The following NAALADL2 variants were observed in gnomAD, a reference collection of about 807,000 sequenced individuals.
NAALADL2 encodes the protein inactive N-acetylated-alpha-linked acidic dipeptidase-like protein 2.
NAALADL2 carries 76 observed loss-of-function variants against 87.2 expected under a neutral mutation model. That is an observed-to-expected ratio of 0.87 (90% CI 0.72 to 1.05). The LOEUF (loss-of-function observed/expected upper bound fraction) is 1.05. Ranked by LOEUF, NAALADL2 falls within the 50% of genes least tolerant of loss-of-function variation. The probability of loss-of-function intolerance (pLI) is 0.00; values close to 1 mark genes in which losing one functional copy is unlikely to be tolerated. For missense variants in NAALADL2, 1,089 were observed against 945.8 expected, an observed-to-expected ratio of 1.15 and a Z score of -1.99; for synonymous variants, 354 against 331.0, an observed-to-expected ratio of 1.07 and a Z score of -0.75.
intron 10 of NAALADL2, 39 bp from the exon 11 acceptor site, chr3:175,627,252 A>G: frequency 1.4e-6 from 2 of 1,461,252 alleles, no homozygotes; most frequent in Non-Finnish European, 1.9e-6. Context: ...AACAAAATCG[A>G]TAAAGAGTTT....
intron 5 of NAALADL2, among the ~76,000 whole-genome samples, chr3:175,379,781 A>G (rs1767574748): frequency 6.6e-6 from 1 of 152,066 alleles, no homozygotes; most frequent in African/African-American, 2.4e-5. Context: ...GCTTATTATC[A>G]AGGCTGTGAT....
chr3:174,599,006 G>C (rs1018456321), intron 2 of NAALADL2, among the ~76,000 whole-genome samples: 7 of 152,128 alleles, frequency 4.6e-5, no homozygotes, highest in Admixed American at 4.6e-4. Context: ...GCCTTTTCTA[G>C]TCTACTGTGA....
At chr3:175,570,783 G>A (rs1717950876) in intron 9 of NAALADL2, among the ~76,000 whole-genome samples, 1 of 151,620 alleles carries the variant, frequency 6.6e-6, no homozygotes, top group Admixed American at 6.6e-5. Flanking sequence ...GGGAGACTGA[G>A]GCAGGAGAAT....
At chr3:174,817,154 A>T (rs1720898781) in intron 3 of NAALADL2, among the ~76,000 whole-genome samples, 1 of 152,224 alleles carries the variant, frequency 6.6e-6, no homozygotes, top group Non-Finnish European at 1.5e-5. Flanking sequence ...ACATTGAGTG[A>T]CTAGATAATC....
chr3:174,637,244 A>G (rs1301400745), intron 2 of NAALADL2, among the ~76,000 whole-genome samples: 1 of 152,066 alleles, frequency 6.6e-6, no homozygotes, highest in Non-Finnish European at 1.5e-5. Context: ...AGAAGGTATA[A>G]GTTCTAATGT....
In NAALADL2 at chr3:175,256,399, C is replaced by A. The variant is rs763319571; in HGVS notation, c.820-12C>A. The stretch of plus-strand genomic sequence containing the variant: ...GAGGCTTTATTTTTCTTTGTTTTTT[C>A]TCCTCTTTCAGGCTGAAGTCATCGA... On this transcript the variant is annotated splice_polypyrimidine_tract_variant and intron_variant, in intron 3 of 13. Coordinates refer to ENST00000454872, the MANE Select transcript of NAALADL2 (RefSeq NM_207015.3). 6.3e-7 allele frequency: 1 copy of A among 1,587,066 alleles called. No individual in the cohort carries two copies. The highest frequency in any genetic ancestry group is 8.5e-7 in the Non-Finnish European group (1 of 1,170,034).
chr3:175,295,718 A>ACACACACACACAC (rs1553851707), intron 4 of NAALADL2, among the ~76,000 whole-genome samples: 126 of 143,766 alleles, frequency 8.8e-4, no homozygotes, highest in Middle Eastern at 7.0e-3. Flanking sequence ...CATGCACACA[A>ACACACACACACAC]ACACACACAC....
chr3:174,968,138 A>G (rs1217179614), intron 1 of NAALADL2, among the ~76,000 whole-genome samples: 2 of 152,144 alleles, frequency 1.3e-5, no homozygotes, highest in African/African-American at 4.8e-5. Flanking sequence ...TGTCCTCCCA[A>G]CTTCATTTCC....
At chr3:175,637,571 G>A (rs1728722264) in intron 11 of NAALADL2, among the ~76,000 whole-genome samples, 1 of 152,030 alleles carries the variant, frequency 6.6e-6, no homozygotes, top group African/African-American at 2.4e-5. Flanking sequence ...ACAATAGCAT[G>A]GCACCTCCCC....
At chr3:175,132,134 G>A (rs1244474950) in intron 2 of NAALADL2, among the ~76,000 whole-genome samples, 1 of 132,812 alleles carries the variant, frequency 7.5e-6, no homozygotes, top group South Asian at 2.4e-4. Flanking sequence ...CCGGGCGGGG[G>A]GCTGACCCCC....
intron 1 of NAALADL2, among the ~76,000 whole-genome samples, chr3:174,945,274 T>C (rs1739239603): frequency 6.6e-6 from 1 of 152,202 alleles, no homozygotes; most frequent in Non-Finnish European, 1.5e-5. Context: ...TTAGTACTGG[T>C]ATCACTACTT....
intron 5 of NAALADL2, among the ~76,000 whole-genome samples, chr3:175,327,148 CTTT>C (rs35198621): frequency 4.5e-4 from 45 of 99,506 alleles, no homozygotes; most frequent in South Asian, 1.4e-3. Context: ...GTCTACATTT[CTTT>C]TTTTTTTTTT....
intron 5 of NAALADL2, among the ~76,000 whole-genome samples, chr3:175,443,235 G>T (rs1720112897): frequency 6.6e-6 from 1 of 152,092 alleles, no homozygotes; most frequent in African/African-American, 2.4e-5. Flanking sequence ...CAAAACTAAT[G>T]CAAGTCTATC....
upstream of NAALADL2, among the ~76,000 whole-genome samples, chr3:174,857,354 G>A (rs4894687): frequency 0.48 from 72,228 of 151,852 alleles, 17,873 homozygotes; most frequent in African/African-American, 0.61. Context: ...GTGAACTTAC[G>A]AACTTAAGAC....
chr3:174,647,935 A>G lies in NAALADL2; in HGVS notation c.-114-89706A>G, dbSNP rs1404619328. 2.0e-5 allele frequency among the ~76,000 whole-genome samples: 3 copies of G among 152,306 alleles called. No homozygotes were observed. The East Asian group carries it at 5.8e-4, about 29-fold the overall frequency. ...GGAAGGGTTGGAAGCAAAATAAAAA[A>G]ACTTTACTGTGAAGGTGGTATTTAA... is the stretch of plus-strand genomic sequence containing the variant. On this transcript the variant is annotated intron_variant, in intron 2 of 3. Transcript: ENST00000434257.
chr3:175,175,855 A>C (rs527310786), intron 2 of NAALADL2, among the ~76,000 whole-genome samples: 1 of 152,266 alleles, frequency 6.6e-6, no homozygotes, highest in South Asian at 2.1e-4. Context: ...TAGGCACAAA[A>C]TTAGATGTAG....
At chr3:175,006,977 A>G (rs74585114) in intron 1 of NAALADL2, among the ~76,000 whole-genome samples, 4,547 of 151,546 alleles carry the variant, frequency 0.03, 215 homozygotes, top group African/African-American at 0.1. Context: ...TAAAATTCCT[A>G]TTTCAATTTA....
At chr3:174,562,032 A>G (rs950883391) in intron 2 of NAALADL2, among the ~76,000 whole-genome samples, 2 of 152,208 alleles carry the variant, frequency 1.3e-5, no homozygotes, top group African/African-American at 4.8e-5. Flanking sequence ...TTTTAATATT[A>G]AAAGAACCTA....
At chr3:174,447,888 A>C (rs977607319) in intron 1 of NAALADL2, among the ~76,000 whole-genome samples, 2 of 152,150 alleles carry the variant, frequency 1.3e-5, no homozygotes, top group Admixed American at 6.5e-5. Flanking sequence ...GTCTCCATAG[A>C]CTATATTTTC....
Sources: allele counts gnomAD v4.1 joint callset (sites outside exome capture counted in the v4.1 genomes callset), GRCh38; gene constraint gnomAD v4.1.1; transcripts MANE v1.5; gene names NCBI Gene and HGNC (gene_info 2026-07-23, HGNC 2026-07-21).